NELL1: variants seen among roughly 807,000 people sequenced by gnomAD.
NELL1 encodes protein kinase C-binding protein NELL1.
A neutral mutation model predicts 107.4 loss-of-function variants in NELL1; 76 were observed. The observed-to-expected ratio is 0.71, with a 90% CI of 0.59 to 0.86. The LOEUF (loss-of-function observed/expected upper bound fraction) is 0.86, where lower values mean the gene tolerates loss of function less well. Among genes scored for constraint, NELL1 ranks in the 40% least tolerant of loss-of-function variants. NELL1 has a pLI of 0.00. For synonymous variants in NELL1, 353 were observed against 341.2 expected (o/e 1.03, Z -0.38); for missense variants, 1,024 against 1,005.5 (o/e 1.02, Z -0.25).
At chr11:20,954,612 C>A (rs749013598) in intron 11 of NELL1, among the ~76,000 whole-genome samples, 2 of 152,060 alleles carry the variant, frequency 1.3e-5, no homozygotes, top group Non-Finnish European at 2.9e-5. Flanking sequence ...AGAGTAGAGG[C>A]CCCATAAATA....
intron 2 of NELL1, among the ~76,000 whole-genome samples, chr11:20,705,458 C>A (rs1854922105): frequency 6.6e-6 from 1 of 151,530 alleles, no homozygotes; most frequent in Non-Finnish European, 1.5e-5. Flanking sequence ...AACTGGCTAG[C>A]CATATGTAGA....
intron 13 of NELL1, among the ~76,000 whole-genome samples, chr11:21,117,439 A>G (rs954821386): frequency 6.6e-6 from 1 of 152,022 alleles, no homozygotes; most frequent in Non-Finnish European, 1.5e-5. Flanking sequence ...TTGTTGAATG[A>G]AATAATGCAT....
intron 14 of NELL1, among the ~76,000 whole-genome samples, chr11:21,237,835 C>T (rs1235610900): frequency 6.6e-6 from 1 of 152,028 alleles, no homozygotes; most frequent in African/African-American, 2.4e-5. Context: ...ATGGATTCTT[C>T]TTTATAGTCA....
At chr11:21,548,151 A>G (rs1293294802) in intron 16 of NELL1, among the ~76,000 whole-genome samples, 4 of 151,942 alleles carry the variant, frequency 2.6e-5, no homozygotes, top group Non-Finnish European at 4.4e-5. Flanking sequence ...CAGGTAGTGG[A>G]AATGCAGAGG....
chr11:21,210,239 T>C (rs1857470853), intron 13 of NELL1, among the ~76,000 whole-genome samples: 1 of 152,158 alleles, frequency 6.6e-6, no homozygotes, highest in Non-Finnish European at 1.5e-5. Context: ...TCACTTCTCT[T>C]GAGTGTATAC....
intron 12 of NELL1, among the ~76,000 whole-genome samples, chr11:20,986,211 C>A (rs1851849632): frequency 6.6e-6 from 1 of 152,138 alleles, no homozygotes; most frequent in Non-Finnish European, 1.5e-5. Context: ...GCAGACTAGG[C>A]AATACTTCAA....
At chr11:20,911,875 T>G (rs915946023) in intron 5 of NELL1, among the ~76,000 whole-genome samples, 2 of 152,172 alleles carry the variant, frequency 1.3e-5, no homozygotes, top group Non-Finnish European at 1.5e-5. Flanking sequence ...GGGAAATATG[T>G]CAGTGTCTCA....
chr11:21,239,340 CAG>C (rs767609508), intron 14 of NELL1, among the ~76,000 whole-genome samples: 1 of 152,000 alleles, frequency 6.6e-6, no homozygotes, highest in Non-Finnish European at 1.5e-5. Context: ...ATACCTATAA[CAG>C]GGATGGATCG....
chr11:21,564,740 G>C (rs1184780039), intron 17 of NELL1, among the ~76,000 whole-genome samples: 3 of 151,884 alleles, frequency 2.0e-5, no homozygotes, highest in Non-Finnish European at 4.4e-5. Context: ...TAAATAGCCA[G>C]TATTTATGGT....
At position 20,895,859 on chromosome 11, in the gene NELL1, G is replaced by T. The variant is rs183758135; in HGVS notation, c.603+10319G>T. Among the ~76,000 whole-genome samples, 18 of 152,126 alleles carry T rather than the reference G, an allele frequency of 1.2e-4. No individual in the cohort carries two copies. The East Asian group carries it at 3.5e-3, about 29-fold the overall frequency. On this transcript the variant is annotated intron_variant, in intron 5 of 19. Transcript: ENST00000357134. ...ATTTCACTTAAGATAATGACCTCCA[G>T]TTCCATCCGTGTTGCTGCAAATGAC... is the stretch of plus-strand genomic sequence containing the variant.
chr11:20,692,408 C>A (rs1227739687), intron 2 of NELL1, among the ~76,000 whole-genome samples: 1 of 151,722 alleles, frequency 6.6e-6, no homozygotes, highest in African/African-American at 2.4e-5. Flanking sequence ...TTCCTGCTTT[C>A]TCTTGTGGGC....
intron 2 of NELL1, among the ~76,000 whole-genome samples, chr11:20,695,764 G>C (rs1466727701): frequency 6.6e-6 from 1 of 151,960 alleles, no homozygotes; most frequent in Non-Finnish European, 1.5e-5. Flanking sequence ...TTTGTTTTTT[G>C]ATAACAGGGT....
At chr11:21,059,485 CT>C (rs1853687611) in intron 12 of NELL1, among the ~76,000 whole-genome samples, 1 of 152,004 alleles carries the variant, frequency 6.6e-6, no homozygotes. Context: ...GATTTTAGTC[CT>C]GATGATACCA....
chr11:21,205,069 C>T (rs1857359413), intron 13 of NELL1, among the ~76,000 whole-genome samples: 1 of 152,216 alleles, frequency 6.6e-6, no homozygotes, highest in Admixed American at 6.5e-5. Context: ...ATGTGTCTCC[C>T]AGTCAGGAGA....
At chr11:21,268,093 A>G (rs760102570) in intron 14 of NELL1, among the ~76,000 whole-genome samples, 4 of 152,184 alleles carry the variant, frequency 2.6e-5, no homozygotes, top group Non-Finnish European at 5.9e-5. Flanking sequence ...AAAGACAGAC[A>G]GGCAGAAACA....
At position 21,457,173 on chromosome 11, in the gene NELL1, T is replaced by C. The variant is rs533453385; in HGVS notation, c.1646-77201T>C. Among the ~76,000 whole-genome samples, 3 of 152,300 alleles carry C rather than the reference T, an allele frequency of 2.0e-5. No homozygotes were observed. The South Asian group carries it at 6.2e-4, about 32-fold the overall frequency. On this transcript the variant is annotated intron_variant, in intron 15 of 19. Transcript: ENST00000357134. Reference sequence around the variant, plus strand: ...GTTCTACCTGAGCAAGCAGGAAATCTTGATTAGAATATTGTTCATGTTTCT... The same window carrying C: ...GTTCTACCTGAGCAAGCAGGAAATCCTGATTAGAATATTGTTCATGTTTCT...
At chr11:21,387,198 C>T (rs982293849) in intron 15 of NELL1, among the ~76,000 whole-genome samples, 1 of 151,878 alleles carries the variant, frequency 6.6e-6, no homozygotes. Context: ...AAATGTCACT[C>T]ATTAGTAAGG....
At chr11:20,733,730 A>G (rs1216421065) in intron 2 of NELL1, among the ~76,000 whole-genome samples, 16 of 152,232 alleles carry the variant, frequency 1.1e-4, no homozygotes, top group Non-Finnish European at 5.9e-5. Context: ...ACATGAACAA[A>G]TAAATTACAA....
At chr11:21,096,962 C>T (rs1008450477) in intron 12 of NELL1, among the ~76,000 whole-genome samples, 1 of 152,062 alleles carries the variant, frequency 6.6e-6, no homozygotes, top group African/African-American at 2.4e-5. Context: ...AGTAATCCTC[C>T]TTCCTTGGCC....
Sources: allele counts gnomAD v4.1 joint callset (sites outside exome capture counted in the v4.1 genomes callset), GRCh38; gene constraint gnomAD v4.1.1; transcripts MANE v1.5; gene names NCBI Gene and HGNC (gene_info 2026-07-23, HGNC 2026-07-21).